The following CELF2 variants were observed in gnomAD, a reference collection of about 807,000 sequenced individuals.
CELF2 encodes CUGBP Elav-like family member 2.
In CELF2, 8 loss-of-function variants were observed where a neutral mutation model predicts 62.6. That is an observed-to-expected ratio of 0.13 (90% CI 0.07 to 0.23). The LOEUF is 0.23. CELF2 is among the 10% of genes least tolerant of loss of function. The probability of loss-of-function intolerance (pLI) is 1.00; values close to 1 mark genes in which losing one functional copy is unlikely to be tolerated. For missense variants in CELF2, 333 were observed against 671.0 expected (o/e 0.50, Z 5.56); for synonymous variants, 258 against 250.0 (o/e 1.03, Z -0.30).
the CELF2 span, among the ~76,000 whole-genome samples, chr10:10,631,364 G>C: frequency 6.6e-6 from 1 of 152,178 alleles, no homozygotes; most frequent in Non-Finnish European, 1.5e-5. Context: ...GACCTGAAGG[G>C]CTTGGAACTA....
At chr10:11,053,424 C>T (rs1168001017) in intron 1 of CELF2, among the ~76,000 whole-genome samples, 2 of 152,108 alleles carry the variant, frequency 1.3e-5, no homozygotes, top group Non-Finnish European at 2.9e-5. Flanking sequence ...TGCATTCAAA[C>T]ACAGTCATAA....
intron 1 of CELF2, among the ~76,000 whole-genome samples, chr10:11,049,926 C>T (rs556691354): frequency 3.9e-4 from 59 of 152,334 alleles, no homozygotes; most frequent in Non-Finnish European, 6.5e-4. Context: ...CCCCGTTGCC[C>T]GTGTGCATGC....
the CELF2 span, among the ~76,000 whole-genome samples, chr10:10,607,117 C>A: frequency 6.6e-6 from 1 of 152,166 alleles, no homozygotes; most frequent in South Asian, 2.1e-4. Flanking sequence ...TGACCAAGAG[C>A]AATTTTGTTT....
At chr10:10,682,140 A>G in the CELF2 span, among the ~76,000 whole-genome samples, 3 of 152,220 alleles carry the variant, frequency 2.0e-5, no homozygotes, top group Admixed American at 6.5e-5. Context: ...TCAATGTAAT[A>G]TGGACCACCC....
chr10:11,187,838 T>A (rs1219136390), intron 2 of CELF2, among the ~76,000 whole-genome samples: 1 of 152,260 alleles, frequency 6.6e-6, no homozygotes, highest in South Asian at 2.1e-4. Flanking sequence ...AATACCTTGT[T>A]ACAATTTTGT....
the CELF2 span, among the ~76,000 whole-genome samples, chr10:10,490,720 C>T: frequency 6.6e-6 from 1 of 152,052 alleles, no homozygotes; most frequent in Non-Finnish European, 1.5e-5. Context: ...AGCATAAGCC[C>T]CTAGACTGGG....
intron 1 of CELF2, among the ~76,000 whole-genome samples, chr10:10,829,002 C>T (rs1201593523): frequency 2.6e-5 from 4 of 152,022 alleles, no homozygotes; most frequent in Non-Finnish European, 5.9e-5. Context: ...TGTCCAAGAC[C>T]AGAGTTTAGA....
At chr10:11,181,882 CTTG>C (rs1188419009) in intron 2 of CELF2, among the ~76,000 whole-genome samples, 4 of 152,212 alleles carry the variant, frequency 2.6e-5, no homozygotes, top group Admixed American at 2.0e-4. Flanking sequence ...TGTATCCTGC[CTTG>C]TTCTTCTTTC....
intron 1 of CELF2, among the ~76,000 whole-genome samples, chr10:10,886,005 A>C (rs1248344861): frequency 6.6e-6 from 1 of 152,208 alleles, no homozygotes; most frequent in Non-Finnish European, 1.5e-5. Flanking sequence ...ACATGAGTCC[A>C]TATCTCATGA....
At chr10:10,591,920 C>A in the CELF2 span, among the ~76,000 whole-genome samples, 1 of 152,146 alleles carries the variant, frequency 6.6e-6, no homozygotes, top group Non-Finnish European at 1.5e-5. Flanking sequence ...CACACACCCC[C>A]ACATACACAC....
chr10:10,495,596 C>A, the CELF2 span, among the ~76,000 whole-genome samples: 12 of 152,308 alleles, frequency 7.9e-5, no homozygotes, highest in African/African-American at 2.6e-4. Context: ...AGAATTGCTC[C>A]ACTGAATGCC....
At chr10:11,139,511 G>A (rs1317857079) in intron 1 of CELF2, among the ~76,000 whole-genome samples, 5 of 152,174 alleles carry the variant, frequency 3.3e-5, no homozygotes, top group Admixed American at 6.5e-5. Context: ...AATAAAAGGG[G>A]CCATATCAGT....
At chr10:10,796,436 GA>G (rs1179365803), upstream of CELF2, among the ~76,000 whole-genome samples, 1 of 152,200 alleles carries the variant, frequency 6.6e-6, no homozygotes, top group African/African-American at 2.4e-5. Context: ...TTTTTGAAAA[GA>G]CAGCTGCTTT....
At chr10:11,208,389 T>C (rs2060948855) in intron 2 of CELF2, among the ~76,000 whole-genome samples, 1 of 152,072 alleles carries the variant, frequency 6.6e-6, no homozygotes, top group Non-Finnish European at 1.5e-5. Flanking sequence ...TATACTTAGG[T>C]CCAACAAAGT....
At chr10:10,481,676 G>A in the CELF2 span, among the ~76,000 whole-genome samples, 3 of 152,230 alleles carry the variant, frequency 2.0e-5, no homozygotes, top group East Asian at 1.9e-4. Context: ...GGGTCAGCAA[G>A]TCTTGGGAAG....
At chr10:11,023,066 G>C (rs534100625) in intron 1 of CELF2, among the ~76,000 whole-genome samples, 25 of 152,140 alleles carry the variant, frequency 1.6e-4, no homozygotes, top group Non-Finnish European at 1.9e-4. Flanking sequence ...GAGTATTACC[G>C]TTTGGGAGAT....
chr10:11,170,618 C>T (rs2068563451), intron 2 of CELF2, among the ~76,000 whole-genome samples: 1 of 151,800 alleles, frequency 6.6e-6, no homozygotes, highest in Non-Finnish European at 1.5e-5. Context: ...GAAGTTCTCT[C>T]GGAGGTCTGA....
chr10:10,546,836 G>A, the CELF2 span, among the ~76,000 whole-genome samples: 4 of 150,762 alleles, frequency 2.7e-5, no homozygotes, highest in Middle Eastern at 3.4e-3. Context: ...GCCAGGTGCC[G>A]TAGCTCATGC....
intron 1 of CELF2, among the ~76,000 whole-genome samples, chr10:10,912,440 G>A (rs2063896811): frequency 6.6e-6 from 1 of 152,104 alleles, no homozygotes; most frequent in African/African-American, 2.4e-5. Context: ...CGCGATCTCG[G>A]CTCACTGCAA....
Sources: allele counts gnomAD v4.1 joint callset (sites outside exome capture counted in the v4.1 genomes callset), GRCh38; gene constraint gnomAD v4.1.1; transcripts MANE v1.5; gene names NCBI Gene and HGNC (gene_info 2026-07-23, HGNC 2026-07-21).